The following IKBKB variants were observed in gnomAD, a reference collection of about 807,000 sequenced individuals.
The protein encoded by IKBKB is inhibitor of nuclear factor kappa B kinase subunit beta, also known as inhibitor of nuclear factor kappa-B kinase subunit beta.
IKBKB carries 42 observed loss-of-function variants against 113.6 expected under a neutral mutation model. That is an observed-to-expected ratio of 0.37 (90% CI 0.29 to 0.48). The LOEUF is 0.48. Among genes scored for constraint, IKBKB ranks in the 20% least tolerant of loss-of-function variants. IKBKB has a pLI of 0.99. For synonymous variants in IKBKB, 296 were observed against 361.3 expected (o/e 0.82, Z 2.05); for missense variants, 673 against 939.7 (o/e 0.72, Z 3.71).
chr8:42,306,580 C>A, intron 7 of IKBKB, 148 bp downstream of exon 7: 1 of 619,890 alleles, frequency 1.6e-6, no homozygotes. Flanking sequence ...ATAACCTGGT[C>A]GAGTCAGCAT....
intron 20 of IKBKB, among the ~76,000 whole-genome samples, chr8:42,328,789 G>A (rs1314260240): frequency 6.6e-6 from 1 of 152,068 alleles, no homozygotes; most frequent in Non-Finnish European, 1.5e-5. Flanking sequence ...GAAAACAGGT[G>A]ATTTGGAGAA....
rs1315690707 is a variant in IKBKB at position 42,332,316 on chromosome 8, A to C, written c.*1337A>C. 1 of 152,244 alleles carries C rather than the reference A, an allele frequency of 6.6e-6. No homozygotes were observed. The highest frequency in any genetic ancestry group is 1.5e-5 in the Non-Finnish European group (1 of 68,036). The allele number at this position is 152,244 out of a possible 1,614,324, so 9.4% of individuals were successfully genotyped here. ...CTGAAAAGTCTTATAATAAAGAAAC[A>C]GGCTTAACTTTGTGTAAGAACACTG... is the stretch of plus-strand genomic sequence containing the variant. On this transcript the variant is annotated 3_prime_UTR_variant, in exon 22 of 22. Coordinates refer to ENST00000520810, the MANE Select transcript of IKBKB (RefSeq NM_001556.3).
At chr8:42,308,836 G>A (rs890045205) in intron 7 of IKBKB, 65 bp from the exon 8 acceptor site, 66 of 1,519,080 alleles carry the variant, frequency 4.3e-5, no homozygotes, top group East Asian at 3.4e-4. Flanking sequence ...TGGGCTGGCC[G>A]CCCCCTCCTG....
At chr8:42,288,603 T>G (rs2130285714) in intron 2 of IKBKB, 31 bp from the exon 3 acceptor site, 1 of 1,575,132 alleles carries the variant, frequency 6.3e-7, no homozygotes, top group Non-Finnish European at 8.7e-7. Context: ...TGCAGCTCGC[T>G]CTGCTGGTCC....
At position 42,289,913 on chromosome 8, in the gene IKBKB, C is replaced by T. The variant is rs555574741; in HGVS notation, c.201-243C>T. Among the ~76,000 whole-genome samples, 7 of 152,240 alleles carry T rather than the reference C, an allele frequency of 4.6e-5. No individual in the cohort carries two copies. The South Asian group carries it at 1.0e-3, about 23-fold the overall frequency. On this transcript the variant is annotated intron_variant, in intron 3 of 21. Coordinates refer to ENST00000520810, the MANE Select transcript of IKBKB (RefSeq NM_001556.3). The stretch of plus-strand genomic sequence containing the variant: ...CACGATGAGGACTTGGGATGTGGCA[C>T]GCACAAAAAACTGAAGTTACACGCA...
At chr8:42,303,693 T>C (rs1411038356) in intron 5 of IKBKB, among the ~76,000 whole-genome samples, 2 of 151,940 alleles carry the variant, frequency 1.3e-5, no homozygotes, top group African/African-American at 4.8e-5. Flanking sequence ...TTTTAGTAGA[T>C]ACAGGGTCTC....
Position 42,331,402 on chromosome 8 carries a change from T to G in IKBKB, c.*423T>G. ...CTGGACAGTGTCCAATTCAAATCTT[T>G]CAGGGCAGAGTCCGAGCAGCGCTTG... is the stretch of plus-strand genomic sequence containing the variant. On this transcript the variant is annotated 3_prime_UTR_variant, in exon 22 of 22. Coordinates refer to ENST00000520810, the MANE Select transcript of IKBKB (RefSeq NM_001556.3). 1.4e-6 allele frequency: 1 copy of G among 702,854 alleles called. No homozygotes were observed. Among genetic ancestry groups the G allele is most frequent in the Non-Finnish European group, 2.6e-6 (1 of 385,002 alleles). 43.5% of individuals were successfully genotyped at this position (702,854 alleles called of 1,614,324 possible).
chr8:42,294,251 T>G (rs1357390140), intron 5 of IKBKB, among the ~76,000 whole-genome samples: 1 of 152,226 alleles, frequency 6.6e-6, no homozygotes, highest in African/African-American at 2.4e-5. Flanking sequence ...ACTCTTTGCC[T>G]CCAGATTTGG....
chr8:42,319,332 C>T lies in IKBKB; in HGVS notation c.1427C>T (p.Ser476Phe), dbSNP rs746450292. The T allele has an allele frequency of 1.2e-6, 2 of 1,614,148 alleles. No individual in the cohort carries two copies. The highest frequency in any genetic ancestry group is 2.2e-5 in the South Asian group (2 of 91,086). Residue 476 changes from serine (S) to phenylalanine (F), a missense_variant, in exon 14 of 22, where the codon TCT (serine) becomes TTT (phenylalanine). Transcript: ENST00000520810. ...ATGAAGAATTCCATGGCTTCCATGT[C>T]TCAGCAGCTCAAGGCCAAGTTGGAT... ...SKMKNSMASM[S>F]QQLKAKLDFF...
intron 5 of IKBKB, 62 bp downstream of exon 5, chr8:42,293,574 T>C: frequency 6.2e-7 from 1 of 1,613,308 alleles, no homozygotes; most frequent in African/African-American, 1.3e-5. Context: ...CCCCTGTGAG[T>C]CCCTGCGGAG....
At chr8:42,278,210 A>G (rs1809580865) in intron 2 of IKBKB, among the ~76,000 whole-genome samples, 1 of 152,108 alleles carries the variant, frequency 6.6e-6, no homozygotes, top group Non-Finnish European at 1.5e-5. Context: ...GCCTCTGTGG[A>G]GGGCAGGTGT....
intron 7 of IKBKB, among the ~76,000 whole-genome samples, chr8:42,308,021 G>A (rs1585711565): frequency 6.6e-6 from 1 of 152,086 alleles, no homozygotes; most frequent in Admixed American, 6.5e-5. Flanking sequence ...TCACCCCAGC[G>A]CTCTCTGCCT....
At chr8:42,305,368 T>G in intron 6 of IKBKB, 93 bp downstream of exon 6, 1 of 751,850 alleles carries the variant, frequency 1.3e-6, no homozygotes, top group East Asian at 2.6e-5. Flanking sequence ...TTTGTGTGTA[T>G]TTGCATTTCC....
At chr8:42,303,890 G>A (rs1364091352) in intron 5 of IKBKB, among the ~76,000 whole-genome samples, 1 of 152,182 alleles carries the variant, frequency 6.6e-6, no homozygotes, top group African/African-American at 2.4e-5. Flanking sequence ...TGTATGTGTT[G>A]TAGATATTGT....
At position 42,278,231 on chromosome 8, in the gene IKBKB, C is replaced by T. The variant is rs141259535; in HGVS notation, c.105+6026C>T. On this transcript the variant is annotated intron_variant, in intron 2 of 21. Transcript: ENST00000520810. Reference sequence around the variant, plus strand: ...GTGGAGGGCAGGTGTGGCAAGTGGGCAAGACTGAAGGCCAGCGTGGCCGGA... The same window carrying T: ...GTGGAGGGCAGGTGTGGCAAGTGGGTAAGACTGAAGGCCAGCGTGGCCGGA... Among the ~76,000 whole-genome samples the T allele has an allele frequency of 3.4e-3, 514 of 152,186 alleles. 2 individuals are homozygous for T. The highest frequency in any genetic ancestry group is 5.2e-3 in the Non-Finnish European group (354 of 68,012).
At chr8:42,327,036 T>G (rs908318040) in intron 20 of IKBKB, among the ~76,000 whole-genome samples, 8 of 152,154 alleles carry the variant, frequency 5.3e-5, no homozygotes, top group Non-Finnish European at 1.2e-4. Flanking sequence ...CTAGATATGG[T>G]GATGGTTGCA....
intron 7 of IKBKB, among the ~76,000 whole-genome samples, chr8:42,308,307 T>TA (rs1816959286): frequency 6.6e-6 from 1 of 151,136 alleles, no homozygotes; most frequent in Non-Finnish European, 1.5e-5. Context: ...TTTCTTTCTT[T>TA]TTTTTTTTTA....
intron 20 of IKBKB, among the ~76,000 whole-genome samples, chr8:42,327,469 G>A (rs1396279830): frequency 7.3e-5 from 11 of 151,668 alleles, no homozygotes; most frequent in Admixed American, 6.6e-5. Flanking sequence ...GAGTAGCTGG[G>A]ACTACAGGTG....
chr8:42,287,297 C>G (rs543159873), intron 2 of IKBKB, among the ~76,000 whole-genome samples: 1 of 152,378 alleles, frequency 6.6e-6, no homozygotes, highest in East Asian at 1.9e-4. Context: ...CTGCTGGTTA[C>G]CTCGATAGAG....
Sources: allele counts gnomAD v4.1 joint callset (sites outside exome capture counted in the v4.1 genomes callset), GRCh38; gene constraint gnomAD v4.1.1; transcripts MANE v1.5; gene names NCBI Gene and HGNC (gene_info 2026-07-23, HGNC 2026-07-21).